Variants in NRXN3 observed in about 807,000 individuals in gnomAD.
NRXN3 encodes the protein neurexin 3, also known as neurexin III.
In NRXN3, 32 loss-of-function variants were observed where a neutral mutation model predicts 137.6. The observed-to-expected ratio is 0.23, with a 90% CI of 0.18 to 0.31. NRXN3 has a LOEUF of 0.31. NRXN3 is among the 10% of genes least tolerant of loss of function. The probability of loss-of-function intolerance (pLI) is 1.00; values close to 1 mark genes in which losing one functional copy is unlikely to be tolerated. For missense variants in NRXN3, 1,574 were observed against 2,062.5 expected, an observed-to-expected ratio of 0.76 and a Z score of 4.59; for synonymous variants, 798 against 784.5, an observed-to-expected ratio of 1.02 and a Z score of -0.29.
At chr14:79,154,342 A>T (rs762907594) in intron 15 of NRXN3, among the ~76,000 whole-genome samples, 27 of 152,100 alleles carry the variant, frequency 1.8e-4, no homozygotes, top group Admixed American at 8.5e-4. Context: ...CACAGAATTC[A>T]GTTGAGCTGA....
intron 8 of NRXN3, among the ~76,000 whole-genome samples, chr14:78,716,407 G>A (rs1228662197): frequency 6.6e-6 from 1 of 152,202 alleles, no homozygotes; most frequent in Non-Finnish European, 1.5e-5. Flanking sequence ...TGAGAATGCT[G>A]TACCTGTATA....
intron 20 of NRXN3, among the ~76,000 whole-genome samples, chr14:79,852,649 G>GCA (rs3062560): frequency 0.2 from 30,399 of 151,714 alleles, 3,783 homozygotes; most frequent in Non-Finnish European, 0.27. Flanking sequence ...TAAAGAAAAT[G>GCA]CACAATCTGT....
intron 4 of NRXN3, among the ~76,000 whole-genome samples, chr14:78,643,202 T>A (rs1305315416): frequency 1.3e-5 from 2 of 152,258 alleles, no homozygotes; most frequent in African/African-American, 2.4e-5. Flanking sequence ...ATATTCATTT[T>A]GCCTAAGAAA....
intron 15 of NRXN3, among the ~76,000 whole-genome samples, chr14:79,302,954 C>T (rs2085396873): frequency 6.6e-6 from 1 of 151,950 alleles, no homozygotes; most frequent in African/African-American, 2.4e-5. Flanking sequence ...AAACACTTCC[C>T]TCCAAGCCCC....
Position 79,286,889 on chromosome 14 carries a change from T to C in NRXN3, c.3263-180332T>C, listed in dbSNP as rs1392948504. On this transcript the variant is annotated intron_variant, in intron 15 of 20. Coordinates refer to ENST00000335750, the MANE Select transcript of NRXN3 (RefSeq NM_001330195.2). Reference sequence around the variant, plus strand: ...AGACTCAATTTCTTCACCTTTAAAGTGAGCAATAATAATAGTTAACCATAC... The same window carrying C: ...AGACTCAATTTCTTCACCTTTAAAGCGAGCAATAATAATAGTTAACCATAC... 2.6e-5 allele frequency among the ~76,000 whole-genome samples: 4 copies of C among 152,270 alleles called. No individual in the cohort carries two copies. In the East Asian group the frequency reaches 7.7e-4, roughly 29 times the overall value.
At chr14:78,415,979 A>G (rs1001642064) in intron 4 of NRXN3, among the ~76,000 whole-genome samples, 3 of 152,144 alleles carry the variant, frequency 2.0e-5, no homozygotes, top group African/African-American at 7.2e-5. Context: ...CTGTTATAGC[A>G]GCCTGAACTA....
intron 7 of NRXN3, among the ~76,000 whole-genome samples, chr14:78,712,043 G>A (rs868150550): frequency 1.3e-5 from 2 of 152,300 alleles, no homozygotes; most frequent in Middle Eastern, 3.4e-3. Flanking sequence ...GGGCAAGTCA[G>A]TCTTAGAACT....
intron 2 of NRXN3, among the ~76,000 whole-genome samples, chr14:78,267,432 C>T (rs1297188599): frequency 1.3e-5 from 2 of 152,120 alleles, no homozygotes; most frequent in African/African-American, 4.8e-5. Context: ...TGTCTCACAT[C>T]TGTAATGCCA....
At chr14:78,874,484 G>A (rs1267511435) in intron 10 of NRXN3, among the ~76,000 whole-genome samples, 1 of 152,012 alleles carries the variant, frequency 6.6e-6, no homozygotes, top group African/African-American at 2.4e-5. Flanking sequence ...ATGTCTCAGG[G>A]ACCAAATATC....
At chr14:79,255,739 G>C (rs976665808) in intron 15 of NRXN3, among the ~76,000 whole-genome samples, 7 of 152,190 alleles carry the variant, frequency 4.6e-5, no homozygotes, top group Admixed American at 3.3e-4. Flanking sequence ...CATCAAGACT[G>C]GTGGCTGAAG....
intron 15 of NRXN3, among the ~76,000 whole-genome samples, chr14:79,038,488 A>G (rs534239745): frequency 2.6e-5 from 4 of 152,200 alleles, no homozygotes; most frequent in Non-Finnish European, 5.9e-5. Context: ...AAAATAATAG[A>G]GTTTAGATTT....
At chr14:79,564,272 A>C (rs1316289971) in intron 16 of NRXN3, among the ~76,000 whole-genome samples, 2 of 152,038 alleles carry the variant, frequency 1.3e-5, no homozygotes, top group Non-Finnish European at 2.9e-5. Flanking sequence ...GAGAGTTAGG[A>C]ATAAAAGAGG....
At chr14:78,706,515 G>A (rs1017012675) in intron 6 of NRXN3, among the ~76,000 whole-genome samples, 1 of 151,776 alleles carries the variant, frequency 6.6e-6, no homozygotes, top group Non-Finnish European at 1.5e-5. Context: ...ATGGACCCTG[G>A]GGCCCAAATG....
chr14:79,285,873 C>T (rs1407147683), intron 15 of NRXN3, among the ~76,000 whole-genome samples: 1 of 135,166 alleles, frequency 7.4e-6, no homozygotes, highest in Non-Finnish European at 1.7e-5. Context: ...CCGCCCCCCA[C>T]CATCCCCCGC....
chr14:79,747,304 C>T (rs2098982720), intron 19 of NRXN3, among the ~76,000 whole-genome samples: 1 of 151,936 alleles, frequency 6.6e-6, no homozygotes, highest in African/African-American at 2.4e-5. Flanking sequence ...TCACTGAAGA[C>T]TTTTAAACCA....
chr14:79,645,779 A>G lies in NRXN3; in HGVS notation c.3445-17999A>G, dbSNP rs148643973. On this transcript the variant is annotated intron_variant, in intron 16 of 20. Coordinates refer to ENST00000335750, the MANE Select transcript of NRXN3 (RefSeq NM_001330195.2). Reference sequence around the variant, plus strand: ...AGTTTGGTGACAATACTGGGAAAAAATGTTGGCACCTGATAATGGTGGACC... The same window carrying G: ...AGTTTGGTGACAATACTGGGAAAAAGTGTTGGCACCTGATAATGGTGGACC... Among the ~76,000 whole-genome samples, 5 of 135,630 alleles carry G rather than the reference A, an allele frequency of 3.7e-5. No homozygotes were observed. In the East Asian group the frequency reaches 9.8e-4, roughly 27 times the overall value. 89.0% of individuals were successfully genotyped at this position (135,630 alleles called of 152,430 possible). A position where few individuals can be genotyped will look rare whatever the true frequency, so the allele number is the denominator to read the frequency against.
chr14:78,693,287 A>G (rs2098191168), intron 6 of NRXN3, among the ~76,000 whole-genome samples: 1 of 151,798 alleles, frequency 6.6e-6, no homozygotes, highest in East Asian at 1.9e-4. Flanking sequence ...CTTTCTAGAC[A>G]GTTCCTCTCC....
At chr14:78,527,751 G>A (rs927228539) in intron 4 of NRXN3, among the ~76,000 whole-genome samples, 5 of 152,122 alleles carry the variant, frequency 3.3e-5, no homozygotes, top group African/African-American at 9.7e-5. Context: ...AACTAATATG[G>A]ATAGCTATTA....
At chr14:78,959,871 A>G (rs1188016532) in intron 11 of NRXN3, among the ~76,000 whole-genome samples, 2 of 152,192 alleles carry the variant, frequency 1.3e-5, no homozygotes, top group Admixed American at 1.3e-4. Context: ...CCGCTTCTGA[A>G]AAGCAGCCAC....
Sources: gnomAD v4.1 joint callset for allele counts (sites outside exome capture counted in the v4.1 genomes callset) on GRCh38, gnomAD v4.1.1 for gene constraint, MANE v1.5 for transcripts, NCBI Gene and HGNC (gene_info 2026-07-23, HGNC 2026-07-21) for gene names.